MEGF10: variants seen among roughly 807,000 people sequenced by gnomAD.
MEGF10 encodes the protein multiple epidermal growth factor-like domains protein 10.
A neutral mutation model predicts 147.5 loss-of-function variants in MEGF10; 86 were observed. The ratio of observed to expected loss-of-function variants is 0.58; its 90% CI spans 0.49 to 0.70. The LOEUF (loss-of-function observed/expected upper bound fraction) is 0.70, where lower values mean the gene tolerates loss of function less well. Ranked by LOEUF, MEGF10 falls within the 30% of genes least tolerant of loss-of-function variation. The probability of loss-of-function intolerance (pLI) is 0.00; values close to 1 mark genes in which losing one functional copy is unlikely to be tolerated. For missense variants in MEGF10, 1,329 were observed against 1,487.3 expected (o/e 0.89, Z 1.75); for synonymous variants, 478 against 525.5 (o/e 0.91, Z 1.24).
chr5:127,259,457 T>C, the MEGF10 span, among the ~76,000 whole-genome samples: 2 of 152,168 alleles, frequency 1.3e-5, no homozygotes, highest in Admixed American at 6.5e-5. Context: ...GAGTGTGGTC[T>C]CAGGACATCA....
chr5:127,323,782 T>A (rs1184691540), intron 1 of MEGF10, among the ~76,000 whole-genome samples: 1 of 152,158 alleles, frequency 6.6e-6, no homozygotes, highest in Non-Finnish European at 1.5e-5. Context: ...ATAATAAGTA[T>A]GTTAGCAAGG....
intron 1 of MEGF10, among the ~76,000 whole-genome samples, chr5:127,303,770 A>T (rs564110963): frequency 6.6e-6 from 1 of 152,354 alleles, no homozygotes; most frequent in African/African-American, 2.4e-5. Flanking sequence ...TCCTAGAATC[A>T]GATTTCTTGG....
At chr5:127,233,227 G>C in the MEGF10 span, among the ~76,000 whole-genome samples, 1 of 152,178 alleles carries the variant, frequency 6.6e-6, no homozygotes, top group African/African-American at 2.4e-5. Flanking sequence ...ACACAGTTAG[G>C]CTCCGCAGAA....
intron 4 of MEGF10, among the ~76,000 whole-genome samples, chr5:127,347,134 C>T (rs866974624): frequency 6.6e-5 from 10 of 151,948 alleles, no homozygotes; most frequent in South Asian, 6.2e-4. Flanking sequence ...ATTAGGGATG[C>T]TCCACCTGCA....
At chr5:127,325,922 T>G (rs1177757966) in intron 1 of MEGF10, among the ~76,000 whole-genome samples, 2 of 139,792 alleles carry the variant, frequency 1.4e-5, no homozygotes, top group African/African-American at 5.4e-5. Context: ...TTTTTTTTTT[T>G]AAGACAGGGA....
chr5:127,278,892 G>GA, the MEGF10 span, among the ~76,000 whole-genome samples: 4 of 152,228 alleles, frequency 2.6e-5, no homozygotes, highest in African/African-American at 4.8e-5. Context: ...GAACTAAGGA[G>GA]TTATAATTGG....
chr5:127,353,985 C>T (rs1762186210), intron 4 of MEGF10, among the ~76,000 whole-genome samples: 1 of 152,216 alleles, frequency 6.6e-6, no homozygotes, highest in South Asian at 2.1e-4. Context: ...GAAGCCTTAA[C>T]TCCCACACAC....
chr5:127,268,970 G>C, the MEGF10 span, among the ~76,000 whole-genome samples: 2 of 152,212 alleles, frequency 1.3e-5, no homozygotes, highest in Non-Finnish European at 2.9e-5. Flanking sequence ...TGATACCCAG[G>C]CAAACAGGGT....
the MEGF10 span, among the ~76,000 whole-genome samples, chr5:127,247,568 G>T: frequency 6.6e-6 from 1 of 151,916 alleles, no homozygotes. Context: ...TTATTTACAG[G>T]CCATAATGGA....
intron 5 of MEGF10, among the ~76,000 whole-genome samples, chr5:127,388,517 TTTTATTTATTTATTTATTTA>T (rs368047649): frequency 6.3e-5 from 9 of 141,970 alleles, no homozygotes; most frequent in East Asian, 2.0e-4. Context: ...TCTTTTTTCT[TTTTATTTATTTATTTATTTA>T]TTTATTTATT....
intron 5 of MEGF10, among the ~76,000 whole-genome samples, chr5:127,385,056 A>G (rs1408878828): frequency 2.0e-5 from 3 of 152,158 alleles, no homozygotes; most frequent in African/African-American, 7.2e-5. Flanking sequence ...GAGACAGTGG[A>G]AAATTATTTT....
the MEGF10 span, among the ~76,000 whole-genome samples, chr5:127,270,104 AC>A: frequency 6.6e-6 from 1 of 152,226 alleles, no homozygotes; most frequent in Non-Finnish European, 1.5e-5. Context: ...GAAAGGAACA[AC>A]CAGTACCAGC....
intron 2 of MEGF10, among the ~76,000 whole-genome samples, chr5:127,336,500 T>C (rs768491778): frequency 1.3e-5 from 2 of 152,094 alleles, no homozygotes; most frequent in Non-Finnish European, 2.9e-5. Context: ...AGGAAATTTA[T>C]GTACTCCAAC....
At chr5:127,333,760 C>T (rs189303179) in intron 2 of MEGF10, among the ~76,000 whole-genome samples, 1 of 151,972 alleles carries the variant, frequency 6.6e-6, no homozygotes, top group Non-Finnish European at 1.5e-5. Context: ...TGATAGGAAA[C>T]GAAATGACTA....
intron 1 of MEGF10, among the ~76,000 whole-genome samples, chr5:127,315,264 A>C (rs1483761152): frequency 6.6e-6 from 1 of 152,174 alleles, no homozygotes; most frequent in Non-Finnish European, 1.5e-5. Flanking sequence ...TCTTGATATT[A>C]ATGTTCCAGT....
In MEGF10 at chr5:127,449,237, C is replaced by T. The variant is rs772305673; in HGVS notation, c.2980+15C>T. 1.9e-5 allele frequency: 30 copies of T among 1,612,702 alleles called. No homozygotes were observed. The highest frequency in any genetic ancestry group is 2.7e-5 in the African/African-American group (2 of 74,870). On this transcript the variant is annotated intron_variant, in intron 22 of 24. Transcript: ENST00000503335. Reference sequence around the variant, plus strand: ...CAACGAGCTCGGTGAGTTCTCCCAACGCACGTCCCCAGAAGCACCTTGACC... The same window carrying T: ...CAACGAGCTCGGTGAGTTCTCCCAATGCACGTCCCCAGAAGCACCTTGACC...
the MEGF10 span, among the ~76,000 whole-genome samples, chr5:127,270,108 G>C: frequency 4.6e-5 from 7 of 152,188 alleles, no homozygotes; most frequent in African/African-American, 1.7e-4. Flanking sequence ...GGAACAACCA[G>C]TACCAGCCAC....
chr5:127,336,625 A>C (rs1246565112), intron 2 of MEGF10, among the ~76,000 whole-genome samples: 1 of 152,086 alleles, frequency 6.6e-6, no homozygotes, highest in African/African-American at 2.4e-5. Flanking sequence ...GCCAGGATGC[A>C]TTTACTGATG....
chr5:127,382,536 A>G (rs1250721365), intron 5 of MEGF10, among the ~76,000 whole-genome samples: 1 of 152,232 alleles, frequency 6.6e-6, no homozygotes, highest in Admixed American at 6.5e-5. Context: ...AAAGAAACTT[A>G]TGTGGTAAAA....
Sources: gnomAD v4.1 joint callset for allele counts (sites outside exome capture counted in the v4.1 genomes callset) on GRCh38, gnomAD v4.1.1 for gene constraint, MANE v1.5 for transcripts, NCBI Gene and HGNC (gene_info 2026-07-23, HGNC 2026-07-21) for gene names.